Variants in CLSTN2 observed in about 807,000 individuals in gnomAD.
CLSTN2 encodes calsyntenin-2.
CLSTN2 carries 48 observed loss-of-function variants against 101.2 expected under a neutral mutation model. The observed-to-expected ratio is 0.47, with a 90% CI of 0.38 to 0.60. The LOEUF (loss-of-function observed/expected upper bound fraction) is 0.60, where lower values mean the gene tolerates loss of function less well. Ranked by LOEUF, CLSTN2 falls within the 20% of genes least tolerant of loss-of-function variation. The pLI is 0.00. For missense variants in CLSTN2, 1,160 were observed against 1,238.2 expected (o/e 0.94, Z 0.95); for synonymous variants, 481 against 463.6 (o/e 1.04, Z -0.48).
chr3:140,436,076 A>G (rs963747060), intron 5 of CLSTN2, among the ~76,000 whole-genome samples: 8 of 151,988 alleles, frequency 5.3e-5, no homozygotes, highest in Admixed American at 2.0e-4. Flanking sequence ...TTTTAACTTG[A>G]TGTGATCCCA....
At chr3:140,037,498 G>A (rs2007676776) in intron 1 of CLSTN2, among the ~76,000 whole-genome samples, 2 of 151,606 alleles carry the variant, frequency 1.3e-5, no homozygotes, top group African/African-American at 4.8e-5. Flanking sequence ...ATGATGTTAT[G>A]TAGTTTTTTG....
At chr3:139,997,212 A>T (rs2006687068) in intron 1 of CLSTN2, among the ~76,000 whole-genome samples, 1 of 152,140 alleles carries the variant, frequency 6.6e-6, no homozygotes, top group African/African-American at 2.4e-5. Context: ...CAGATCTCTT[A>T]TCTGGGTTTT....
chr3:139,979,514 T>A (rs1935879687), intron 1 of CLSTN2, among the ~76,000 whole-genome samples: 1 of 152,074 alleles, frequency 6.6e-6, no homozygotes, highest in South Asian at 2.1e-4. Context: ...CTCGCCTACA[T>A]GTCTCAGGCA....
At chr3:140,341,271 T>G (rs1423816774) in intron 2 of CLSTN2, among the ~76,000 whole-genome samples, 6 of 152,238 alleles carry the variant, frequency 3.9e-5, no homozygotes, top group Non-Finnish European at 7.3e-5. Flanking sequence ...ATATTTTGTC[T>G]TGGCATGGTT....
chr3:140,123,850 GTATA>G (rs66933695), intron 1 of CLSTN2, among the ~76,000 whole-genome samples: 7 of 149,708 alleles, frequency 4.7e-5, no homozygotes, highest in Non-Finnish European at 1.0e-4. Context: ...ATGTGTGTGT[GTATA>G]TATATATATA....
intron 1 of CLSTN2, among the ~76,000 whole-genome samples, chr3:140,054,237 G>A (rs1402730119): frequency 6.6e-6 from 1 of 152,042 alleles, no homozygotes; most frequent in Non-Finnish European, 1.5e-5. Context: ...AGGAGGCTGG[G>A]CATTTATCAA....
intron 1 of CLSTN2, among the ~76,000 whole-genome samples, chr3:140,047,747 T>C (rs2007909300): frequency 6.6e-6 from 1 of 152,186 alleles, no homozygotes. Context: ...CTTCCTCTTC[T>C]TGTAAAGCCA....
At chr3:140,240,174 C>CTCTCTCTCTCTCTATATA (rs1311225528) in intron 2 of CLSTN2, among the ~76,000 whole-genome samples, 2 of 13,334 alleles carry the variant, frequency 1.5e-4, no homozygotes, top group Non-Finnish European at 7.1e-4. Context: ...CTCTCTCTCT[C>CTCTCTCTCTCTCTATATA]TATATATATA....
At chr3:140,413,857 G>C (rs2088395212) in intron 4 of CLSTN2, among the ~76,000 whole-genome samples, 1 of 152,026 alleles carries the variant, frequency 6.6e-6, no homozygotes, top group South Asian at 2.1e-4. Flanking sequence ...ATCCTTTCAT[G>C]ATAAAAATTC....
chr3:140,555,880 A>T (rs113725716), intron 10 of CLSTN2, among the ~76,000 whole-genome samples: 2,989 of 152,286 alleles, frequency 0.02, 104 homozygotes, highest in African/African-American at 0.069. Context: ...GTGGGATACC[A>T]GGGACTTTGG....
At chr3:140,286,499 C>G (rs2086897083) in intron 2 of CLSTN2, among the ~76,000 whole-genome samples, 1 of 152,196 alleles carries the variant, frequency 6.6e-6, no homozygotes, top group African/African-American at 2.4e-5. Flanking sequence ...TGCCCATTTT[C>G]AACTCTCATG....
chr3:140,004,405 GA>G (rs2006913110), intron 1 of CLSTN2, among the ~76,000 whole-genome samples: 1 of 152,202 alleles, frequency 6.6e-6, no homozygotes, highest in East Asian at 1.9e-4. Flanking sequence ...AGATGTGGGA[GA>G]AGTTAGTGCA....
chr3:140,063,638 G>A (rs1315527797), intron 1 of CLSTN2, among the ~76,000 whole-genome samples: 1 of 152,068 alleles, frequency 6.6e-6, no homozygotes, highest in Non-Finnish European at 1.5e-5. Flanking sequence ...TAAAACCCTG[G>A]CAGAACCCCA....
intron 6 of CLSTN2, among the ~76,000 whole-genome samples, chr3:140,454,913 C>T (rs1430248839): frequency 1.3e-5 from 2 of 152,304 alleles, no homozygotes; most frequent in African/African-American, 4.8e-5. Flanking sequence ...GAATAGAATA[C>T]ATTCTACCAC....
At chr3:139,944,494 C>G (rs1447731273) in intron 1 of CLSTN2, among the ~76,000 whole-genome samples, 2 of 152,216 alleles carry the variant, frequency 1.3e-5, no homozygotes, top group Non-Finnish European at 2.9e-5. Context: ...AGTGGTACTT[C>G]CAGGTGGGGG....
chr3:140,148,414 A>G (rs2009813813), intron 1 of CLSTN2, among the ~76,000 whole-genome samples: 1 of 152,180 alleles, frequency 6.6e-6, no homozygotes, highest in Non-Finnish European at 1.5e-5. Flanking sequence ...GTCATTACTC[A>G]CTGTGGTTAG....
chr3:140,233,046 GA>G (rs1322324149), intron 2 of CLSTN2, among the ~76,000 whole-genome samples: 2 of 152,086 alleles, frequency 1.3e-5, no homozygotes, highest in Non-Finnish European at 2.9e-5. Flanking sequence ...TGATGGTTTA[GA>G]AAGCTTCAGT....
chr3:140,234,654 T>G (rs2107862713), intron 2 of CLSTN2, among the ~76,000 whole-genome samples: 1 of 152,328 alleles, frequency 6.6e-6, no homozygotes, highest in Admixed American at 6.5e-5. Flanking sequence ...TAATGCTTGC[T>G]TTCGTTCATG....
At chr3:140,089,543 T>G (rs1246153713) in intron 1 of CLSTN2, among the ~76,000 whole-genome samples, 1 of 152,122 alleles carries the variant, frequency 6.6e-6, no homozygotes, top group Non-Finnish European at 1.5e-5. Context: ...CCCCGTGTTT[T>G]TGAGGGTGCT....
Sources: allele counts gnomAD v4.1 joint callset (sites outside exome capture counted in the v4.1 genomes callset), GRCh38; gene constraint gnomAD v4.1.1; transcripts MANE v1.5; gene names NCBI Gene and HGNC (gene_info 2026-07-23, HGNC 2026-07-21).